SARAF: variants seen among roughly 807,000 people sequenced by gnomAD.
SARAF encodes the protein store-operated calcium entry associated regulatory factor.
Under a neutral mutation model 39.7 loss-of-function variants are expected in SARAF, and 23 were observed. The ratio of observed to expected loss-of-function variants is 0.58; its 90% CI spans 0.42 to 0.82. The LOEUF (loss-of-function observed/expected upper bound fraction) is 0.82. Ranked by LOEUF, SARAF falls within the 40% of genes least tolerant of loss-of-function variation. SARAF has a pLI of 0.00. For missense variants in SARAF, 384 were observed against 418.5 expected (o/e 0.92, Z 0.72); for synonymous variants, 175 against 168.5 (o/e 1.04, Z -0.30).
At position 30,082,861 on chromosome 8, in the gene SARAF, C is replaced by T; in HGVS notation, c.89G>A (p.Gly30Asp). 6.4e-7 allele frequency: 1 copy of T among 1,553,418 alleles called. No individual in the cohort carries two copies. Among genetic ancestry groups the T allele is most frequent in the Non-Finnish European group, 8.7e-7 (1 of 1,151,036 alleles). The part of the protein sequence containing the change: ...LFLLTAGPAL[G>D]WNDPDRMLLR... ...GCAGCACTCACCAGGGTCGTTCCAG[C>T]CCAGGGCAGGGCCCGCGGTCAGCAG... Residue 30 changes from glycine (G) to aspartate (D), a missense_variant, in exon 1 of 6, where the codon GGC becomes GAC. By Grantham distance (94) the Gly-to-Asp change is moderately conservative (BLOSUM62 -1). Coordinates refer to ENST00000256255, the MANE Select transcript of SARAF (RefSeq NM_016127.6).
At chr8:30,066,179 T>C in intron 4 of SARAF, 40 bp from the exon 5 acceptor site, 1 of 1,552,922 alleles carries the variant, frequency 6.4e-7, no homozygotes, top group Non-Finnish European at 8.7e-7. Context: ...TTTTTTCTTG[T>C]GGCTATAATT....
intron 1 of SARAF, among the ~76,000 whole-genome samples, chr8:30,074,914 T>C (rs1801923757): frequency 6.6e-6 from 1 of 152,218 alleles, no homozygotes; most frequent in Admixed American, 6.5e-5. Context: ...ATTTAAACTA[T>C]TTCACAAACT....
intron 4 of SARAF, 81 bp downstream of exon 4, chr8:30,066,696 G>C: frequency 1.3e-6 from 2 of 1,556,104 alleles, no homozygotes; most frequent in South Asian, 2.3e-5. Flanking sequence ...ATTTTCCTTA[G>C]CAAAACTAAA....
upstream of SARAF, chr8:30,083,144 G>C: frequency 2.0e-6 from 1 of 494,586 alleles, no homozygotes; most frequent in East Asian, 3.6e-5. Context: ...GGGGCTCAGT[G>C]AGTGGCCGCC....
intron 1 of SARAF, among the ~76,000 whole-genome samples, chr8:30,077,250 G>T (rs1473142617): frequency 6.6e-6 from 1 of 151,434 alleles, no homozygotes; most frequent in East Asian, 2.0e-4. Flanking sequence ...GAGCCCAAGA[G>T]TTTAAGACCA....
At position 30,069,733 on chromosome 8, in the gene SARAF, C is replaced by T. The variant is rs376738645; in HGVS notation, c.609G>A (p.Pro203=). 14 of 1,613,894 alleles carry T rather than the reference C, an allele frequency of 8.7e-6. No homozygotes were observed. The highest frequency in any genetic ancestry group is 8.0e-5 in the African/African-American group (6 of 74,858). ...GGGAAAATGGAGGATACTCAGAGTA[C>T]GGTGGAGGAGAATACTGCCCGTCAC... ...FLSDGQYSPP[P]YSEYPPFSHR... is the part of the protein sequence containing the mutation. The change falls in exon 3 of 6, where the codon CCG becomes CCA. Residue 203 remains proline, a synonymous_variant. Coordinates refer to ENST00000256255, the MANE Select transcript of SARAF (RefSeq NM_016127.6).
intron 1 of SARAF, among the ~76,000 whole-genome samples, chr8:30,077,021 G>A (rs1801983033): frequency 6.6e-6 from 1 of 152,094 alleles, no homozygotes; most frequent in Non-Finnish European, 1.5e-5. Context: ...CGCACAAGAA[G>A]AAAACTTTTT....
intron 3 of SARAF, 113 bp downstream of exon 3, chr8:30,069,529 G>C: frequency 9.0e-7 from 1 of 1,108,272 alleles, no homozygotes; most frequent in Non-Finnish European, 1.3e-6. Context: ...AACAAAATGA[G>C]AAGACAAACC....
intron 5 of SARAF, 148 bp downstream of exon 5, chr8:30,065,840 G>T: frequency 1.2e-6 from 1 of 854,324 alleles, no homozygotes; most frequent in Non-Finnish European, 1.9e-6. Flanking sequence ...GTTTAAAAGT[G>T]GGATCTCAGT....
chr8:30,063,847 C>G lies in SARAF; in HGVS notation c.*41G>C. 6.3e-7 allele frequency: 1 copy of G among 1,598,578 alleles called. No individual in the cohort carries two copies. Among genetic ancestry groups the G allele is most frequent in the Middle Eastern group, 1.7e-4 (1 of 6,022 alleles). Reference sequence around the variant, plus strand: ...TTCTAAAGAGAAAGTGATGAAAAATCCAAAATTTCTGCATCCAGTGTTTGA... The same window carrying G: ...TTCTAAAGAGAAAGTGATGAAAAATGCAAAATTTCTGCATCCAGTGTTTGA... On this transcript the variant is annotated 3_prime_UTR_variant, in exon 6 of 6. Coordinates refer to ENST00000256255, the MANE Select transcript of SARAF (RefSeq NM_016127.6).
At chr8:30,076,165 C>A (rs1430987642) in intron 1 of SARAF, among the ~76,000 whole-genome samples, 3 of 152,020 alleles carry the variant, frequency 2.0e-5, no homozygotes, top group Non-Finnish European at 4.4e-5. Flanking sequence ...GAGATGTATT[C>A]TCTGGAGAGG....
chr8:30,072,066 C>A (rs559037367), intron 2 of SARAF, among the ~76,000 whole-genome samples: 1 of 152,284 alleles, frequency 6.6e-6, no homozygotes, highest in Admixed American at 6.5e-5. Context: ...TTCACATTCC[C>A]AACAGCAGTG....
At chr8:30,065,474 G>A (rs1563350459) in intron 5 of SARAF, among the ~76,000 whole-genome samples, 1 of 152,102 alleles carries the variant, frequency 6.6e-6, no homozygotes, top group African/African-American at 2.4e-5. Context: ...AGCTACTCCA[G>A]AGCAATCTCT....
At chr8:30,077,640 A>T (rs1221993226) in intron 1 of SARAF, among the ~76,000 whole-genome samples, 2 of 151,730 alleles carry the variant, frequency 1.3e-5, no homozygotes, top group Non-Finnish European at 2.9e-5. Flanking sequence ...CGGCTCTACT[A>T]AAAATACAAA....
At chr8:30,068,475 T>A (rs1425716256) in intron 3 of SARAF, among the ~76,000 whole-genome samples, 2 of 152,208 alleles carry the variant, frequency 1.3e-5, no homozygotes, top group African/African-American at 4.8e-5. Flanking sequence ...GTTAATTATT[T>A]CATTATATAT....
chr8:30,064,604 C>A (rs1212865239), intron 5 of SARAF, among the ~76,000 whole-genome samples: 2 of 99,544 alleles, frequency 2.0e-5, no homozygotes, highest in Non-Finnish European at 3.7e-5. Context: ...CTCTTGTTGC[C>A]CAGGCTGGAG....
Position 30,066,839 on chromosome 8 carries a change from T to C in SARAF, c.780A>G (p.Gly260=), listed in dbSNP as rs937086488. 1 of 1,614,168 alleles carries C rather than the reference T, an allele frequency of 6.2e-7. No individual in the cohort carries two copies. The highest frequency in any genetic ancestry group is 2.2e-5 in the East Asian group (1 of 44,874). The change falls in exon 4 of 6, where the codon GGA becomes GGG. Residue 260 remains glycine (G), a synonymous_variant. Coordinates refer to ENST00000256255, the MANE Select transcript of SARAF (RefSeq NM_016127.6). ...TTCCCAAGCCTGTCCAGAACCCTGG[T>C]CCTGAATTTTCATATCCTTGTTGTC... ...FTGQQGYENS[G]PGFWTGLGTG...
intron 1 of SARAF, 85 bp from the exon 2 acceptor site, chr8:30,074,140 G>T: frequency 6.9e-7 from 1 of 1,445,720 alleles, no homozygotes; most frequent in South Asian, 1.3e-5. Context: ...TCTCGTCATA[G>T]GAAATGCCTT....
intron 3 of SARAF, among the ~76,000 whole-genome samples, chr8:30,067,681 AG>A (rs1801722896): frequency 6.6e-6 from 1 of 152,186 alleles, no homozygotes; most frequent in African/African-American, 2.4e-5. Context: ...TGTCTATGGG[AG>A]TCAATCCTAC....
Sources: allele counts gnomAD v4.1 joint callset (sites outside exome capture counted in the v4.1 genomes callset), GRCh38; gene constraint gnomAD v4.1.1; transcripts MANE v1.5; gene names NCBI Gene and HGNC (gene_info 2026-07-23, HGNC 2026-07-21).